The following YTHDC1 variants were observed in gnomAD, a reference collection of about 807,000 sequenced individuals.
YTHDC1 encodes the protein YTH N6-methyladenosine RNA binding protein C1, also known as YTH domain-containing protein 1.
In YTHDC1, 12 loss-of-function variants were observed where a neutral mutation model predicts 107.0. That is an observed-to-expected ratio of 0.11 (90% CI 0.07 to 0.18). YTHDC1 has a LOEUF of 0.18. YTHDC1 is among the 10% of genes least tolerant of loss of function. YTHDC1 has a pLI of 1.00. For missense variants in YTHDC1, 635 were observed against 898.8 expected, an observed-to-expected ratio of 0.71 and a Z score of 3.75; for synonymous variants, 280 against 289.5, an observed-to-expected ratio of 0.97 and a Z score of 0.33.
intron 1 of YTHDC1, among the ~76,000 whole-genome samples, chr4:68,338,971 T>A (rs1324058554): frequency 2.0e-5 from 3 of 152,214 alleles, no homozygotes; most frequent in Non-Finnish European, 2.9e-5. Context: ...ATGTCTCTAT[T>A]TTTACCTCAT....
chr4:68,328,144 G>T (rs965952314), intron 9 of YTHDC1, among the ~76,000 whole-genome samples: 1 of 152,058 alleles, frequency 6.6e-6, no homozygotes, highest in Non-Finnish European at 1.5e-5. Context: ...TTAAAATTAA[G>T]AATTTCCTTA....
chr4:68,338,449 T>C lies in YTHDC1; in HGVS notation c.29-65A>G, dbSNP rs890761801. The C allele has an allele frequency of 2.0e-5, 25 of 1,268,160 alleles. No homozygotes were observed. In the African/African-American group the frequency reaches 3.5e-4, roughly 18 times the overall value. The allele number at this position is 1,268,160 out of a possible 1,614,324, so 78.6% of individuals were successfully genotyped here. A position where few individuals can be genotyped will look rare whatever the true frequency, so the allele number is the denominator to read the frequency against. On this transcript the variant is annotated intron_variant, in intron 1 of 16. Coordinates refer to ENST00000344157, the MANE Select transcript of YTHDC1 (RefSeq NM_001031732.4). ...TCATTGAACATGTATTTTTGAGTAC[T>C]TACTAAGTGTGAGGCCACAAGCGCC...
intron 1 of YTHDC1, among the ~76,000 whole-genome samples, chr4:68,340,659 C>G (rs1724711415): frequency 6.6e-6 from 1 of 152,024 alleles, no homozygotes; most frequent in Non-Finnish European, 1.5e-5. Context: ...TCCAACAGGT[C>G]TTCACAGAAT....
At position 68,332,203 on chromosome 4, in the gene YTHDC1, A is replaced by G; in HGVS notation, c.1028-6T>C. The G allele has an allele frequency of 6.3e-7, 1 of 1,583,576 alleles. No individual in the cohort carries two copies. The highest frequency in any genetic ancestry group is 8.6e-7 in the Non-Finnish European group (1 of 1,164,680). On this transcript the variant is annotated splice_polypyrimidine_tract_variant and splice_region_variant and intron_variant, in intron 6 of 16. Coordinates refer to ENST00000344157, the MANE Select transcript of YTHDC1 (RefSeq NM_001031732.4). ...TTTGAGTTTACTGGTTTGATCTGAA[A>G]AAAAAAGAAACCCAAATCGATTAAC... is the stretch of plus-strand genomic sequence containing the variant.
chr4:68,332,050 C>T lies in YTHDC1; in HGVS notation c.1122+53G>A, dbSNP rs1723644772. On this transcript the variant is annotated intron_variant, in intron 7 of 16. Coordinates refer to ENST00000344157, the MANE Select transcript of YTHDC1 (RefSeq NM_001031732.4). ...ACTTGATATAATACAAGTCTATTTT[C>T]CCATTTAAAAATTTTGATATTAGGA... 4.2e-6 allele frequency: 5 copies of T among 1,179,088 alleles called. No homozygotes were observed. The South Asian group carries it at 7.3e-5, about 17-fold the overall frequency. The allele number at this position is 1,179,088 out of a possible 1,614,324, so 73.0% of individuals were successfully genotyped here. A position where few individuals can be genotyped will look rare whatever the true frequency, so the allele number is the denominator to read the frequency against.
chr4:68,342,832 C>A (rs568073719), intron 1 of YTHDC1, among the ~76,000 whole-genome samples: 4 of 152,216 alleles, frequency 2.6e-5, no homozygotes, highest in African/African-American at 9.6e-5. Context: ...CTGGCATATC[C>A]TTTTTGAAAA....
intron 1 of YTHDC1, 96 bp downstream of exon 1, chr4:68,349,630 A>AGGCCCC: frequency 5.2e-5 from 8 of 153,358 alleles, no homozygotes; most frequent in South Asian, 8.9e-5. Flanking sequence ...TAACCTCCCC[A>AGGCCCC]ACCCCCACCC....
Position 68,322,686 on chromosome 4 carries a change from A to G in YTHDC1, c.1601+63T>C. On this transcript the variant is annotated intron_variant, in intron 11 of 16. Transcript: ENST00000344157. The surrounding 1 kb of genome is among the most constrained non-coding windows in gnomAD (Gnocchi z 4.8). ...CCGCAGGACAAACTTTTGACGAATCATATTCCTCCATCATGTTATTCTGAT... is the reference window on the plus strand; with the variant it reads ...CCGCAGGACAAACTTTTGACGAATCGTATTCCTCCATCATGTTATTCTGAT... 1 of 1,531,822 alleles carries G rather than the reference A, an allele frequency of 6.5e-7. No homozygotes were observed. The highest frequency in any genetic ancestry group is 1.3e-5 in the South Asian group (1 of 78,716). 94.9% of individuals were successfully genotyped at this position (1,531,822 alleles called of 1,614,324 possible).
At chr4:68,323,214 A>G (rs1188889893) in intron 10 of YTHDC1, among the ~76,000 whole-genome samples, 1 of 152,222 alleles carries the variant, frequency 6.6e-6, no homozygotes, top group African/African-American at 2.4e-5. Context: ...CAAAATAGAA[A>G]AATATCAGGA....
intron 1 of YTHDC1, 96 bp downstream of exon 1, chr4:68,349,630 A>AGGCCCCCCCCCCC: frequency 5.9e-5 from 9 of 153,364 alleles, no homozygotes; most frequent in South Asian, 8.9e-5. Flanking sequence ...TAACCTCCCC[A>AGGCCCCCCCCCCC]ACCCCCACCC....
At chr4:68,316,495 T>TAA in intron 15 of YTHDC1, 47 bp from the exon 16 acceptor site, 1 of 1,583,480 alleles carries the variant, frequency 6.3e-7, no homozygotes, top group Non-Finnish European at 8.6e-7. Flanking sequence ...AACACCCTTG[T>TAA]AAACAAGCGA....
intron 9 of YTHDC1, among the ~76,000 whole-genome samples, chr4:68,325,809 T>C (rs969705176): frequency 6.6e-6 from 1 of 152,186 alleles, no homozygotes; most frequent in Non-Finnish European, 1.5e-5. Flanking sequence ...GTGATATATA[T>C]ATACATGGAA....
chr4:68,320,112 A>C lies in YTHDC1; in HGVS notation c.1684+11T>G, dbSNP rs758871350. 1 of 1,577,986 alleles carries C rather than the reference A, an allele frequency of 6.3e-7. No homozygotes were observed. Among genetic ancestry groups the C allele is most frequent in the South Asian group, 1.2e-5 (1 of 85,660 alleles). ...TGAAATCAAATATCTGCAGGATTAT[A>C]AAATATTAACCTGGTCTCTGGTGAA... On this transcript the variant is annotated intron_variant, in intron 12 of 16. Transcript: ENST00000344157.
In YTHDC1 at chr4:68,322,090, C is replaced by T. The variant is rs1196298857; in HGVS notation, c.1601+659G>A. ...CTTTTTGGTTTGTTGCCGGGTCTCC[C>T]AGGGCCACTTGATCCCCTTTGGAAA... On this transcript the variant is annotated intron_variant, in intron 11 of 16. Coordinates refer to ENST00000344157, the MANE Select transcript of YTHDC1 (RefSeq NM_001031732.4). This position sits in a 1 kb window ranked among gnomAD's most constrained non-coding sequence, Gnocchi z 4.8. Among the ~76,000 whole-genome samples, 22 of 152,168 alleles carry T rather than the reference C, an allele frequency of 1.4e-4. No homozygotes were observed. Among genetic ancestry groups the T allele is most frequent in the Non-Finnish European group, 4.4e-5 (3 of 68,032 alleles).
chr4:68,337,162 A>ATTCTTC lies in YTHDC1; in HGVS notation c.742_747dup (p.Glu248_Glu249dup), dbSNP rs755562004. 2 of 1,612,610 alleles carry ATTCTTC rather than the reference A, an allele frequency of 1.2e-6. No individual in the cohort carries two copies. The highest frequency in any genetic ancestry group is 1.7e-6 in the Non-Finnish European group (2 of 1,179,420). Reference sequence around the variant, plus strand: ...TTCTGGTCTCTCTCATCCTGTTCATATTCTTCTTCTTCCTCCTCCTCCTCC... The same window carrying ATTCTTC: ...TTCTGGTCTCTCTCATCCTGTTCATATTCTTCTTCTTCTTCTTCCTCCTCCTCCTCC... On this transcript the variant is annotated inframe_insertion, in exon 4 of 17. Transcript: ENST00000344157.
rs1723484091 is a variant in YTHDC1 at position 68,330,739 on chromosome 4, C to T, written c.1123-429G>A. Among the ~76,000 whole-genome samples the T allele has an allele frequency of 2.0e-5, 3 of 152,214 alleles. No homozygotes were observed. The South Asian group carries it at 6.2e-4, about 32-fold the overall frequency. On this transcript the variant is annotated intron_variant, in intron 7 of 16. Coordinates refer to ENST00000344157, the MANE Select transcript of YTHDC1 (RefSeq NM_001031732.4). The stretch of plus-strand genomic sequence containing the variant: ...TAAAATTACTCTATTAGTCAAGAAT[C>T]TAGCATTTTTCTATTTAAGTTCGTT...
At position 68,350,070 on chromosome 4, in the gene YTHDC1, AAACAATCC is replaced by A; in HGVS notation, c.-325_-318del. 2.0e-6 allele frequency: 1 copy of A among 503,076 alleles called. No homozygotes were observed. Among genetic ancestry groups the A allele is most frequent in the East Asian group, 3.6e-5 (1 of 28,032 alleles). 31.2% of individuals were successfully genotyped at this position (503,076 alleles called of 1,614,324 possible). A position where few individuals can be genotyped will look rare whatever the true frequency, so the allele number is the denominator to read the frequency against. ...TAAAATGGAGCCTGCTTCCTGCGCGAAACAATCCCGCTCCCGAAATGCCCTGCGCTGTT... is the reference window on the plus strand; with the variant it reads ...TAAAATGGAGCCTGCTTCCTGCGCGACGCTCCCGAAATGCCCTGCGCTGTT... On this transcript the variant is annotated 5_prime_UTR_variant, in exon 1 of 17. Coordinates refer to ENST00000344157, the MANE Select transcript of YTHDC1 (RefSeq NM_001031732.4).
intron 1 of YTHDC1, among the ~76,000 whole-genome samples, chr4:68,344,756 T>C (rs559758808): frequency 1.8e-4 from 27 of 152,200 alleles, no homozygotes; most frequent in African/African-American, 6.5e-4. Flanking sequence ...GAGTAACAGG[T>C]CGGGCATGGT....
chr4:68,316,263 CTACAGAATTCTAAGTAGT>C, intron 16 of YTHDC1, 33 bp downstream of exon 16: 1 of 1,555,868 alleles, frequency 6.4e-7, no homozygotes, highest in Non-Finnish European at 8.7e-7. Context: ...TTTAAGTTAC[CTACAGAATTCTAAGTAGT>C]TCCCTCACAC....
Sources: allele counts gnomAD v4.1 joint callset (sites outside exome capture counted in the v4.1 genomes callset), GRCh38; gene constraint gnomAD v4.1.1; non-coding constraint Gnocchi (gnomAD v3.1); transcripts MANE v1.5; gene names NCBI Gene and HGNC (gene_info 2026-07-23, HGNC 2026-07-21).